The following SPAG16 variants were observed in gnomAD, a reference collection of about 807,000 sequenced individuals.
SPAG16 encodes sperm associated antigen 16.
In SPAG16, 86 loss-of-function variants were observed where a neutral mutation model predicts 80.4. The observed-to-expected ratio is 1.07, with a 90% CI of 0.90 to 1.28. SPAG16 has a LOEUF of 1.28. Among genes scored for constraint, SPAG16 ranks in the 50% most tolerant of loss-of-function variants. SPAG16 has a pLI of 0.00. For missense variants in SPAG16, 870 were observed against 765.3 expected, an observed-to-expected ratio of 1.14 and a Z score of -1.61; for synonymous variants, 294 against 265.9, an observed-to-expected ratio of 1.11 and a Z score of -1.03.
intron 15 of SPAG16, among the ~76,000 whole-genome samples, chr2:214,195,119 C>T (rs918921713): frequency 2.0e-5 from 3 of 151,846 alleles, no homozygotes; most frequent in Admixed American, 6.6e-5. Flanking sequence ...TAATATGAAA[C>T]CTAAAATAAA....
At chr2:214,086,742 G>T (rs182643874) in intron 13 of SPAG16, among the ~76,000 whole-genome samples, 2 of 151,982 alleles carry the variant, frequency 1.3e-5, no homozygotes, top group Non-Finnish European at 2.9e-5. Flanking sequence ...CTATATTTTC[G>T]ATGTCTCCTC....
At chr2:214,212,077 C>A (rs577032092) in intron 15 of SPAG16, among the ~76,000 whole-genome samples, 2 of 152,192 alleles carry the variant, frequency 1.3e-5, no homozygotes, top group South Asian at 4.2e-4. Context: ...TATGTAATTT[C>A]TTAGCTTAAA....
chr2:213,914,413 G>T (rs933821759), intron 11 of SPAG16, among the ~76,000 whole-genome samples: 1 of 152,014 alleles, frequency 6.6e-6, no homozygotes, highest in African/African-American at 2.4e-5. Flanking sequence ...AACCTTAGCA[G>T]AAATTTATTT....
At chr2:213,995,181 G>A (rs2046459691) in intron 12 of SPAG16, among the ~76,000 whole-genome samples, 1 of 152,120 alleles carries the variant, frequency 6.6e-6, no homozygotes, top group Admixed American at 6.6e-5. Context: ...AGGTGCAGAA[G>A]CCACTAAGTT....
Position 213,535,138 on chromosome 2 carries a change from T to C in SPAG16, c.1070+45048T>C, listed in dbSNP as rs763370585. ...CAAAAATCAAAAATGTTTATAAAAA[T>C]GTTTAAATATCCAGAACCCAACAAT... On this transcript the variant is annotated intron_variant, in intron 10 of 15. Coordinates refer to ENST00000331683, the MANE Select transcript of SPAG16 (RefSeq NM_024532.5). 1.3e-3 allele frequency among the ~76,000 whole-genome samples: 195 copies of C among 152,128 alleles called. 1 individual carries two copies. Among genetic ancestry groups the C allele is most frequent in the Middle Eastern group, 3.2e-3 (1 of 316 alleles).
intron 9 of SPAG16, among the ~76,000 whole-genome samples, chr2:213,397,881 A>C (rs1057465931): frequency 2.0e-5 from 3 of 152,080 alleles, no homozygotes; most frequent in Non-Finnish European, 4.4e-5. Flanking sequence ...TACATCTTCA[A>C]CTGAGATCTC....
At chr2:213,693,722 G>T (rs2065040447) in intron 10 of SPAG16, among the ~76,000 whole-genome samples, 1 of 152,218 alleles carries the variant, frequency 6.6e-6, no homozygotes, top group Non-Finnish European at 1.5e-5. Context: ...AGAGACTTAA[G>T]TATATTTAGT....
chr2:214,201,463 TA>T (rs1277906214), intron 15 of SPAG16, among the ~76,000 whole-genome samples: 29 of 152,286 alleles, frequency 1.9e-4, no homozygotes, highest in African/African-American at 7.0e-4. Context: ...CATGACAAGA[TA>T]GACCTACATG....
chr2:213,774,495 T>TA lies in SPAG16; in HGVS notation c.1071-87989dup, dbSNP rs565521697. ...CATCAGTCTTATTGATTTAGGGGTCTACCCTATTTCCTGTGATCTCATATT... is the reference window on the plus strand; with the variant it reads ...CATCAGTCTTATTGATTTAGGGGTCTAACCCTATTTCCTGTGATCTCATATT... On this transcript the variant is annotated intron_variant, in intron 10 of 15. Transcript: ENST00000331683. 4.6e-5 allele frequency among the ~76,000 whole-genome samples: 7 copies of TA among 152,214 alleles called. No homozygotes were observed. In the South Asian group the frequency reaches 1.4e-3, roughly 32 times the overall value.
intron 13 of SPAG16, among the ~76,000 whole-genome samples, chr2:214,078,078 TG>T (rs1217551026): frequency 6.6e-6 from 1 of 151,982 alleles, no homozygotes; most frequent in Admixed American, 6.6e-5. Flanking sequence ...TGTGTTCCTG[TG>T]TCCCCTCTGA....
At chr2:213,411,604 G>A (rs1180802748) in intron 9 of SPAG16, among the ~76,000 whole-genome samples, 1 of 152,162 alleles carries the variant, frequency 6.6e-6, no homozygotes, top group Non-Finnish European at 1.5e-5. Context: ...TGCAAGGTCT[G>A]ACTGCTCTAT....
At chr2:213,482,835 T>A (rs2073816947) in intron 9 of SPAG16, among the ~76,000 whole-genome samples, 1 of 152,148 alleles carries the variant, frequency 6.6e-6, no homozygotes, top group African/African-American at 2.4e-5. Flanking sequence ...ATTAAATAGA[T>A]AAGCCATTAA....
At chr2:214,174,197 C>A (rs901068937) in intron 15 of SPAG16, among the ~76,000 whole-genome samples, 1 of 152,036 alleles carries the variant, frequency 6.6e-6, no homozygotes, top group African/African-American at 2.4e-5. Context: ...TCTCACTACT[C>A]CTATTCAACA....
chr2:213,993,660 C>T (rs914603058), intron 12 of SPAG16, among the ~76,000 whole-genome samples: 4 of 152,044 alleles, frequency 2.6e-5, no homozygotes, highest in Non-Finnish European at 4.4e-5. Flanking sequence ...TGTTTTCTCA[C>T]GTAAAATTCA....
Position 213,532,628 on chromosome 2 carries a change from A to T in SPAG16, c.1070+42538A>T, listed in dbSNP as rs113775429. Among the ~76,000 whole-genome samples, 120 of 151,616 alleles carry T rather than the reference A, an allele frequency of 7.9e-4. 2 individuals carry two copies. Among genetic ancestry groups the T allele is most frequent in the Middle Eastern group, 3.4e-3 (1 of 294 alleles). ...GGCTACACATCACCATGTCCAGCTAATTTTTTTTATTTTTAGTAGAGATGT... is the reference window on the plus strand; with the variant it reads ...GGCTACACATCACCATGTCCAGCTATTTTTTTTTATTTTTAGTAGAGATGT... On this transcript the variant is annotated intron_variant, in intron 10 of 15. Transcript: ENST00000331683.
At chr2:214,039,278 T>G (rs2048879009) in intron 13 of SPAG16, among the ~76,000 whole-genome samples, 1 of 152,190 alleles carries the variant, frequency 6.6e-6, no homozygotes, top group South Asian at 2.1e-4. Flanking sequence ...TTGATTTGCA[T>G]TTCTCTGATG....
chr2:213,546,999 C>T (rs2076633151), intron 10 of SPAG16, among the ~76,000 whole-genome samples: 2 of 152,146 alleles, frequency 1.3e-5, no homozygotes, highest in East Asian at 1.9e-4. Context: ...AGGAAAAGAA[C>T]CTGAGGCTAA....
chr2:214,182,241 T>G (rs572611437), intron 15 of SPAG16, among the ~76,000 whole-genome samples: 3 of 151,878 alleles, frequency 2.0e-5, no homozygotes, highest in Admixed American at 1.3e-4. Context: ...ACAAGCTCTG[T>G]TGTTATCAGT....
chr2:214,302,020 T>C (rs372471471), intron 15 of SPAG16, among the ~76,000 whole-genome samples: 16 of 152,228 alleles, frequency 1.1e-4, no homozygotes, highest in African/African-American at 3.4e-4. Context: ...TCTGCCTCAA[T>C]TTTGTTGTTT....
Sources: gnomAD v4.1 joint callset for allele counts (sites outside exome capture counted in the v4.1 genomes callset) on GRCh38, gnomAD v4.1.1 for gene constraint, MANE v1.5 for transcripts, NCBI Gene and HGNC (gene_info 2026-07-23, HGNC 2026-07-21) for gene names.